FLNB: variants seen among roughly 807,000 people sequenced by gnomAD.
FLNB encodes the protein filamin-B.
FLNB carries 111 observed loss-of-function variants against 250.6 expected under a neutral mutation model. The ratio of observed to expected loss-of-function variants is 0.44; its 90% CI spans 0.38 to 0.52. The LOEUF (loss-of-function observed/expected upper bound fraction) is 0.52. Among genes scored for constraint, FLNB ranks in the 20% least tolerant of loss-of-function variants. FLNB has a pLI of 0.00. For synonymous variants in FLNB, 1,302 were observed against 1,372.1 expected (o/e 0.95, Z 1.13); for missense variants, 2,869 against 3,447.8 (o/e 0.83, Z 4.20).
chr3:58,168,903 A>G, intron 44 of FLNB: 1 of 519,282 alleles, frequency 1.9e-6, no homozygotes, highest in South Asian at 2.1e-5. Flanking sequence ...CTAACAGGAA[A>G]GAATACATAT....
chr3:58,097,640 G>C (rs1164614808), intron 6 of FLNB, among the ~76,000 whole-genome samples, 175 bp from the exon 7 acceptor site: 1 of 152,194 alleles, frequency 6.6e-6, no homozygotes, highest in Non-Finnish European at 1.5e-5. Context: ...GAAGGGGCCA[G>C]GTGGGAGTCC....
In FLNB at chr3:58,121,367, C is replaced by A. The variant is rs777118695; in HGVS notation, c.2990C>A (p.Thr997Lys). Residue 997 changes from threonine to lysine, a missense_variant, in exon 20 of 46, where the codon ACA becomes AAA. Around this residue, in one of 5 missense-constraint regions of FLNB, gnomAD observed 1,348 missense variants for 1,466.7 expected, o/e 0.92. Coordinates refer to ENST00000295956, the MANE Select transcript of FLNB (RefSeq NM_001457.4). Reference sequence around the variant, plus strand: ...GTGCCATGCCTAGTGACACCTGTGACAGGCCGGGAGAACAGCACGGCCAAG... The same window carrying A: ...GTGCCATGCCTAGTGACACCTGTGAAAGGCCGGGAGAACAGCACGGCCAAG... The part of the protein sequence containing the change: ...KVVPCLVTPV[T>K]GRENSTAKFI... 1 of 1,614,058 alleles carries A rather than the reference C, an allele frequency of 6.2e-7. No homozygotes were observed. The highest frequency in any genetic ancestry group is 8.5e-7 in the Non-Finnish European group (1 of 1,180,040).
chr3:58,138,315 A>G lies in FLNB; in HGVS notation c.4895A>G (p.Glu1632Gly), dbSNP rs2097320110. 2 of 1,614,058 alleles carry G rather than the reference A, an allele frequency of 1.2e-6. No homozygotes were observed. Among genetic ancestry groups the G allele is most frequent in the African/African-American group, 1.3e-5 (1 of 74,918 alleles). ...ATCGCCTCCACTGTGAAAACTGGCGAAGAAGTAGGCTTTGTGGTTGATGCC... is the reference window on the plus strand; with the variant it reads ...ATCGCCTCCACTGTGAAAACTGGCGGAGAAGTAGGCTTTGTGGTTGATGCC... ...PGIASTVKTG[E>G]EVGFVVDAKT... The change falls in exon 29 of 46, where the codon GAA becomes GGA. Residue 1632 changes from glutamate to glycine, a missense_variant. By Grantham distance (98) the Glu-to-Gly change is moderately conservative. This residue lies in a region of FLNB where 1,084 missense variants were observed against 1,315.5 expected (regional missense o/e 0.82). Coordinates refer to ENST00000295956, the MANE Select transcript of FLNB (RefSeq NM_001457.4).
rs377701269 is a variant in FLNB at position 58,143,646 on chromosome 3, A to T, written c.5425+33A>T. The T allele has an allele frequency of 6.3e-5, 101 of 1,612,498 alleles. No homozygotes were observed. The Middle Eastern group carries it at 7.4e-4, about 12-fold the overall frequency. ...GAGTCAGCAGGCCCAGCAGGGCTCC[A>T]CCATTCAGGGGCATCCGGGCAGCCT... On this transcript the variant is annotated intron_variant, in intron 32 of 45. Transcript: ENST00000295956.
At position 58,170,576 on chromosome 3, in the gene FLNB, C is replaced by T. The variant is rs995038749; in HGVS notation, c.7623C>T (p.Gly2541=). 1.9e-6 allele frequency: 3 copies of T among 1,614,042 alleles called. No individual in the cohort carries two copies. The African/African-American group carries it at 4.0e-5, about 22-fold the overall frequency. ...GAGTAACCACCTTTTGCCTCCTAGG[C>T]TCCAACATGCTGCTGATCGGGGTCC... The part of the protein sequence containing the change: ...SSFLVDCSKA[G]SNMLLIGVHG... Residue 2541 remains glycine (G), a splice_region_variant and synonymous_variant, in exon 46 of 46, where the codon GGC becomes GGT. Transcript: ENST00000295956.
intron 1 of FLNB, among the ~76,000 whole-genome samples, chr3:58,074,900 G>A (rs1198534596): frequency 1.3e-5 from 2 of 151,988 alleles, no homozygotes; most frequent in Non-Finnish European, 2.9e-5. Flanking sequence ...TTTTTTCCAG[G>A]TTAGATGATC....
intron 18 of FLNB, among the ~76,000 whole-genome samples, chr3:58,112,555 C>T (rs1408475808): frequency 1.3e-5 from 2 of 152,260 alleles, no homozygotes; most frequent in African/African-American, 4.8e-5. Flanking sequence ...GGTCCCATAT[C>T]TCCACCTTTG....
intron 4 of FLNB, among the ~76,000 whole-genome samples, chr3:58,091,730 T>C (rs2097227881): frequency 6.6e-6 from 1 of 152,164 alleles, no homozygotes; most frequent in East Asian, 1.9e-4. Context: ...GTGGTTGGCC[T>C]TTATGTGCTG....
At chr3:58,065,735 C>T (rs1440838140) in intron 1 of FLNB, among the ~76,000 whole-genome samples, 2 of 152,196 alleles carry the variant, frequency 1.3e-5, no homozygotes, top group Non-Finnish European at 2.9e-5. Context: ...CGAGGGATTC[C>T]CTGTGGGGTG....
At chr3:58,048,484 T>G (rs2097157485) in intron 1 of FLNB, among the ~76,000 whole-genome samples, 1 of 152,216 alleles carries the variant, frequency 6.6e-6, no homozygotes, top group Non-Finnish European at 1.5e-5. Flanking sequence ...TTGAATATTT[T>G]TGGCTAGGGC....
chr3:58,048,445 C>T (rs2097157397), intron 1 of FLNB, among the ~76,000 whole-genome samples: 1 of 152,172 alleles, frequency 6.6e-6, no homozygotes, highest in Non-Finnish European at 1.5e-5. Context: ...CATTCTAGGT[C>T]TGTCTGTTTC....
rs1474114049 is a variant in FLNB at position 58,094,858 on chromosome 3, G to C, written c.810G>C (p.Met270Ile). ...CAGGAATCGAGCCCACTGGAAACAT[G>C]GTGAAGCAGCCAGCCAAGTTCACTG... ...YGRGIEPTGN[M>I]VKQPAKFTVD... Residue 270 changes from methionine (M) to isoleucine (I), a missense_variant, in exon 5 of 46, where the codon ATG (methionine) becomes ATC (isoleucine). Met to Ile is a conservative substitution (Grantham distance 10). This residue lies in a region of FLNB where 308 missense variants were observed against 466.1 expected (regional missense o/e 0.66). Transcript: ENST00000295956. 1 of 1,614,078 alleles carries C rather than the reference G, an allele frequency of 6.2e-7. No individual in the cohort carries two copies.
chr3:58,078,705 TTC>T lies in FLNB; in HGVS notation c.542-10_542-9del. ...GCTAATGCTAAAAGAATCTTTTGTGTTCTGTTAACAGGTCTGTGCCCAGACTG... is the reference window on the plus strand; with the variant it reads ...GCTAATGCTAAAAGAATCTTTTGTGTTGTTAACAGGTCTGTGCCCAGACTG... On this transcript the variant is annotated splice_polypyrimidine_tract_variant and intron_variant, in intron 2 of 45. Transcript: ENST00000295956. The T allele has an allele frequency of 3.7e-6, 6 of 1,610,930 alleles. No homozygotes were observed. The highest frequency in any genetic ancestry group is 5.1e-6 in the Non-Finnish European group (6 of 1,177,854).
intron 26 of FLNB, among the ~76,000 whole-genome samples, chr3:58,133,240 G>A (rs560312110): frequency 1.6e-4 from 25 of 152,014 alleles, no homozygotes; most frequent in East Asian, 9.6e-4. Context: ...TGTGGCTCCC[G>A]CTCTCTCACT....
At position 58,150,112 on chromosome 3, in the gene FLNB, A is replaced by G. The variant is rs753414541; in HGVS notation, c.6252A>G (p.Pro2084=). 1.2e-6 allele frequency: 2 copies of G among 1,614,224 alleles called. No homozygotes were observed. The highest frequency in any genetic ancestry group is 1.7e-6 in the Non-Finnish European group (2 of 1,180,040). The change falls in exon 38 of 46, where the codon CCA becomes CCG. Residue 2084 remains proline, a synonymous_variant. Transcript: ENST00000295956. ...CCTTCTTGGGTCTTGCAGGGAGCCC[A>G]TTTACCGTGAAGATCAGTGGGGAGG... is the stretch of plus-strand genomic sequence containing the variant. ...KFADEHVPGS[P]FTVKISGEGR...
chr3:58,090,971 G>A (rs772941202), intron 4 of FLNB, among the ~76,000 whole-genome samples: 8 of 151,962 alleles, frequency 5.3e-5, no homozygotes, highest in Admixed American at 3.3e-4. Flanking sequence ...CCAGCTACTC[G>A]GGAGGCTGAG....
At position 58,163,314 on chromosome 3, in the gene FLNB, C is replaced by A. The variant is rs113513946; in HGVS notation, c.7182C>A (p.Leu2394=). Residue 2394 remains leucine (L), a synonymous_variant, in exon 43 of 46, where the codon CTC becomes CTA. Coordinates refer to ENST00000295956, the MANE Select transcript of FLNB (RefSeq NM_001457.4). ...PALVSAYGTG[L]EGGTTGIQSE... ...TGGTGTCCGCCTATGGCACGGGACT[C>A]GAAGGGGGCACCACAGGTAACCCAC... is the stretch of plus-strand genomic sequence containing the variant. The A allele has an allele frequency of 1.2e-6, 2 of 1,614,144 alleles. No homozygotes were observed. The highest frequency in any genetic ancestry group is 1.7e-5 in the Admixed American group (1 of 60,012).
intron 13 of FLNB, among the ~76,000 whole-genome samples, 178 bp downstream of exon 13, chr3:58,108,749 G>C (rs1576732393): frequency 6.6e-6 from 1 of 151,980 alleles, no homozygotes; most frequent in East Asian, 1.9e-4. Flanking sequence ...TAGAGTACTG[G>C]GCTTTAAAAA....
In FLNB at chr3:58,077,214, C is replaced by G. The variant is rs747594015; in HGVS notation, c.461C>G (p.Pro154Arg). Reference protein sequence around the residue: ...RLLGWIQNKIPYLPITNFNQN... With the variant: ...RLLGWIQNKIRYLPITNFNQN... ...CTGGGGTGGATTCAGAACAAGATCC[C>G]CTACTTGCCCATCACCAACTTTAAC... The change falls in exon 2 of 46, where the codon CCC (proline) becomes CGC (arginine). Residue 154 changes from proline to arginine, a missense_variant. Coordinates refer to ENST00000295956, the MANE Select transcript of FLNB (RefSeq NM_001457.4). 2 of 1,614,160 alleles carry G rather than the reference C, an allele frequency of 1.2e-6. No homozygotes were observed. Among genetic ancestry groups the G allele is most frequent in the Admixed American group, 3.3e-5 (2 of 60,012 alleles).
Sources: gnomAD v4.1 joint callset for allele counts (sites outside exome capture counted in the v4.1 genomes callset) on GRCh38, gnomAD v4.1.1 for gene constraint, gnomAD v4.1.1 regional missense constraint, MANE v1.5 for transcripts, NCBI Gene and HGNC (gene_info 2026-07-23, HGNC 2026-07-21) for gene names.